The following COL28A1 variants were observed in gnomAD, a reference collection of about 807,000 sequenced individuals.
COL28A1 encodes collagen alpha-1(XXVIII) chain.
A neutral mutation model predicts 150.2 loss-of-function variants in COL28A1; 161 were observed. That is an observed-to-expected ratio of 1.07 (90% CI 0.94 to 1.22). COL28A1 has a LOEUF of 1.22. Ranked by LOEUF, COL28A1 falls within the 50% of genes most tolerant of loss-of-function variation. The pLI, the probability that COL28A1 is intolerant of heterozygous loss-of-function variation, is 0.00. For missense variants in COL28A1, 1,617 were observed against 1,388.3 expected (o/e 1.16, Z -2.62); for synonymous variants, 552 against 469.7 (o/e 1.18, Z -2.26).
At chr7:7,497,110 G>GAAGGAAGA (rs1346049550) in intron 11 of COL28A1, among the ~76,000 whole-genome samples, 2 of 148,120 alleles carry the variant, frequency 1.4e-5, no homozygotes, top group South Asian at 4.3e-4. Flanking sequence ...AGGAAGGAAG[G>GAAGGAAGA]AAGGAAGGAA....
intron 25 of COL28A1, among the ~76,000 whole-genome samples, chr7:7,424,266 G>A (rs1784534169): frequency 6.6e-6 from 1 of 152,186 alleles, no homozygotes; most frequent in Non-Finnish European, 1.5e-5. Context: ...ATCCACAGAA[G>A]TAGTGTCTCT....
intron 16 of COL28A1, 49 bp downstream of exon 16, chr7:7,455,995 T>G (rs1173299847): frequency 2.5e-6 from 4 of 1,608,968 alleles, no homozygotes; most frequent in Non-Finnish European, 3.4e-6. Flanking sequence ...AGACCAGGAT[T>G]GGGCTGGAAT....
chr7:7,424,902 C>T (rs1784574354), intron 25 of COL28A1, among the ~76,000 whole-genome samples: 1 of 151,978 alleles, frequency 6.6e-6, no homozygotes, highest in African/African-American at 2.4e-5. Flanking sequence ...CATAACCTTG[C>T]AGAGTGGATA....
chr7:7,428,685 G>A (rs1784774254), intron 25 of COL28A1, among the ~76,000 whole-genome samples: 1 of 152,232 alleles, frequency 6.6e-6, no homozygotes, highest in Admixed American at 6.5e-5. Context: ...CAGGAGATTG[G>A]ATCCAGGAGT....
chr7:7,397,038 T>C (rs190821454), intron 27 of COL28A1, among the ~76,000 whole-genome samples: 108 of 152,318 alleles, frequency 7.1e-4, no homozygotes, highest in Admixed American at 6.2e-3. Flanking sequence ...TTAATACTGA[T>C]GGCTATCTGT....
At chr7:7,529,176 C>T (rs759387627) in intron 3 of COL28A1, among the ~76,000 whole-genome samples, 14 of 151,302 alleles carry the variant, frequency 9.3e-5, no homozygotes, top group Admixed American at 2.6e-4. Context: ...GTAATGCCAG[C>T]TACTTGAGAA....
chr7:7,393,294 C>A (rs931063279), intron 27 of COL28A1, among the ~76,000 whole-genome samples: 1 of 152,210 alleles, frequency 6.6e-6, no homozygotes, highest in African/African-American at 2.4e-5. Flanking sequence ...GTGGAGGCTG[C>A]AGAACAGCAA....
intron 11 of COL28A1, among the ~76,000 whole-genome samples, chr7:7,494,396 A>C (rs1468178645): frequency 6.6e-6 from 1 of 152,168 alleles, no homozygotes; most frequent in East Asian, 1.9e-4. Flanking sequence ...CATGGCTTTG[A>C]ATCATTTGGT....
At chr7:7,501,775 A>G (rs896803629) in intron 11 of COL28A1, among the ~76,000 whole-genome samples, 1 of 152,226 alleles carries the variant, frequency 6.6e-6, no homozygotes, top group African/African-American at 2.4e-5. Flanking sequence ...TTAGGGGTTC[A>G]GTCTTTCCTC....
At chr7:7,429,223 T>G (rs1784804497) in intron 25 of COL28A1, among the ~76,000 whole-genome samples, 1 of 151,650 alleles carries the variant, frequency 6.6e-6, no homozygotes, top group African/African-American at 2.4e-5. Context: ...CACACACATA[T>G]ATACAGTTTC....
chr7:7,372,269 C>A (rs1021082474), intron 32 of COL28A1, among the ~76,000 whole-genome samples: 1 of 151,354 alleles, frequency 6.6e-6, no homozygotes, highest in Non-Finnish European at 1.5e-5. Flanking sequence ...CATGGTGGCG[C>A]GTGCCTGTAG....
chr7:7,350,518 C>T, the COL28A1 span, among the ~76,000 whole-genome samples: 1 of 152,142 alleles, frequency 6.6e-6, no homozygotes, highest in South Asian at 2.1e-4. Flanking sequence ...CACATAATAC[C>T]TCAGAGGCAA....
Position 7,456,014 on chromosome 7 carries a change from C to T in COL28A1, c.1371+30G>A, listed in dbSNP as rs765657355. 15 of 1,613,112 alleles carry T rather than the reference C, an allele frequency of 9.3e-6. No individual in the cohort carries two copies. The East Asian group carries it at 3.3e-4, about 36-fold the overall frequency. ...CAGGATTGGGCTGGAATGTTCTGCACTGAAGGGAAAGGAAGAATGCATTAA... is the reference window on the plus strand; with the variant it reads ...CAGGATTGGGCTGGAATGTTCTGCATTGAAGGGAAAGGAAGAATGCATTAA... On this transcript the variant is annotated intron_variant, in intron 16 of 34. Transcript: ENST00000399429.
chr7:7,493,530 C>T (rs1418071565), intron 11 of COL28A1, among the ~76,000 whole-genome samples: 1 of 152,086 alleles, frequency 6.6e-6, no homozygotes, highest in Non-Finnish European at 1.5e-5. Flanking sequence ...GGATTGCTCT[C>T]CTTTACCTGA....
At chr7:7,469,642 G>A (rs1166206171) in intron 15 of COL28A1, among the ~76,000 whole-genome samples, 2 of 103,232 alleles carry the variant, frequency 1.9e-5, no homozygotes, top group Admixed American at 1.1e-4. Flanking sequence ...AAAAGAGCCC[G>A]CATTGCCAAG....
intron 33 of COL28A1, among the ~76,000 whole-genome samples, chr7:7,369,500 C>T (rs541976422): frequency 6.6e-6 from 1 of 152,202 alleles, no homozygotes; most frequent in Non-Finnish European, 1.5e-5. Context: ...TTTGCTGACA[C>T]CTGGTATAGA....
downstream of COL28A1, among the ~76,000 whole-genome samples, chr7:7,355,534 C>T (rs989024811): frequency 4.6e-5 from 7 of 151,908 alleles, no homozygotes; most frequent in African/African-American, 7.3e-5. Flanking sequence ...CACTTGAGTC[C>T]GGGAGGTGGA....
At chr7:7,340,617 G>T in the COL28A1 span, among the ~76,000 whole-genome samples, 1 of 151,978 alleles carries the variant, frequency 6.6e-6, no homozygotes, top group Non-Finnish European at 1.5e-5. Flanking sequence ...CTTAGACCAA[G>T]CACTTTGTAC....
intron 27 of COL28A1, among the ~76,000 whole-genome samples, chr7:7,400,980 GTGTGT>G (rs1783155776): frequency 1.1e-5 from 1 of 90,472 alleles, no homozygotes; most frequent in Non-Finnish European, 2.4e-5. Flanking sequence ...ATTTGGGTGT[GTGTGT>G]GTGTGTGTGT....
Sources: gnomAD v4.1 joint callset for allele counts (sites outside exome capture counted in the v4.1 genomes callset) on GRCh38, gnomAD v4.1.1 for gene constraint, MANE v1.5 for transcripts, NCBI Gene and HGNC (gene_info 2026-07-23, HGNC 2026-07-21) for gene names.